Variants in CCDC157 observed in about 807,000 individuals in gnomAD.
CCDC157 encodes coiled-coil domain containing 157.
Under a neutral mutation model 70.9 loss-of-function variants are expected in CCDC157, and 60 were observed. The observed-to-expected ratio is 0.85, with a 90% CI of 0.69 to 1.05. CCDC157 has a LOEUF of 1.05. CCDC157 is among the 50% of genes least tolerant of loss of function. The probability of loss-of-function intolerance (pLI) is 0.00; values close to 1 mark genes in which losing one functional copy is unlikely to be tolerated. For synonymous variants in CCDC157, 373 were observed against 422.4 expected (o/e 0.88, Z 1.43); for missense variants, 943 against 984.2 (o/e 0.96, Z 0.56).
chr22:30,357,922 C>A (rs749247059), intron 1 of CCDC157, among the ~76,000 whole-genome samples: 4 of 152,154 alleles, frequency 2.6e-5, no homozygotes, highest in Non-Finnish European at 5.9e-5. Flanking sequence ...CCTTGGCCTC[C>A]CAAAGTGCTG....
In CCDC157 at chr22:30,377,177, C is replaced by G. The variant is rs1858221037; in HGVS notation, c.*432C>G. ...GGCCGGTGAGGATGTCTGAAGCAGG[C>G]AGAGGGCAGCAACGCCTTCAGCCTC... is the stretch of plus-strand genomic sequence containing the variant. On this transcript the variant is annotated 3_prime_UTR_variant, in exon 12 of 12. Coordinates refer to ENST00000338306, the MANE Select transcript of CCDC157 (RefSeq NM_001017437.5). 1 of 202,134 alleles carries G rather than the reference C, an allele frequency of 4.9e-6. No individual in the cohort carries two copies. The highest frequency in any genetic ancestry group is 2.3e-5 in the African/African-American group (1 of 44,104). 12.5% of individuals were successfully genotyped at this position (202,134 alleles called of 1,614,324 possible). A position where few individuals can be genotyped will look rare whatever the true frequency, so the allele number is the denominator to read the frequency against.
intron 6 of CCDC157, 21 bp from the exon 7 acceptor site, chr22:30,372,054 C>T (rs1322848637): frequency 6.7e-7 from 1 of 1,483,520 alleles, no homozygotes; most frequent in East Asian, 2.5e-5. Flanking sequence ...TACCCCATCC[C>T]ATGTCCACTT....
intron 2 of CCDC157, among the ~76,000 whole-genome samples, chr22:30,363,157 A>C (rs1932470108): frequency 6.6e-6 from 1 of 152,218 alleles, no homozygotes; most frequent in South Asian, 2.1e-4. Context: ...GCCCTGCTGG[A>C]GGGTGATAAG....
chr22:30,363,530 G>T (rs905239423), intron 2 of CCDC157, among the ~76,000 whole-genome samples: 1 of 152,034 alleles, frequency 6.6e-6, no homozygotes, highest in African/African-American at 2.4e-5. Context: ...GGGCCTCAGT[G>T]ACTTGCCTGA....
At chr22:30,359,834 A>G (rs956190724) in intron 1 of CCDC157, among the ~76,000 whole-genome samples, 2 of 152,200 alleles carry the variant, frequency 1.3e-5, no homozygotes, top group African/African-American at 2.4e-5. Flanking sequence ...AAAAAGTAAT[A>G]TATTTTCCTC....
rs143384771 is a variant in CCDC157 at position 30,370,630 on chromosome 22, G to A, written c.725G>A (p.Cys242Tyr). The change falls in exon 5 of 12, where the codon TGT (cysteine) becomes TAT (tyrosine). Residue 242 changes from cysteine to tyrosine, a missense_variant. Transcript: ENST00000338306. ...GTGGGCAAGGTGGTCATCAGCCTGT[G>A]TCAGAGCCAGAACCTGCCCTCGTCC... ...QKVGKVVISLCQSQNLPSSLG... is the reference protein window; with the variant it reads ...QKVGKVVISLYQSQNLPSSLG... The A allele has an allele frequency of 1.2e-6, 2 of 1,614,096 alleles. No homozygotes were observed. The highest frequency in any genetic ancestry group is 2.7e-5 in the African/African-American group (2 of 75,074).
rs1358504628 is a variant in CCDC157 at position 30,373,713 on chromosome 22, G to A, written c.1452G>A (p.Glu484=). The A allele has an allele frequency of 1.3e-6, 2 of 1,553,446 alleles. No individual in the cohort carries two copies. Among genetic ancestry groups the A allele is most frequent in the Non-Finnish European group, 1.7e-6 (2 of 1,148,946 alleles). ...EAEAQRARVE[E]QLQSEREQGQ... The stretch of plus-strand genomic sequence containing the variant: ...AGGCCCAGCGGGCCCGCGTGGAGGA[G>A]CAGCTGCAGAGCGAGCGGGAGCAGG... Residue 484 remains glutamate (E), a synonymous_variant, in exon 8 of 12, where the codon GAG becomes GAA. Coordinates refer to ENST00000338306, the MANE Select transcript of CCDC157 (RefSeq NM_001017437.5).
rs768202447 is a variant in CCDC157 at position 30,371,724 on chromosome 22, G to T, written c.1120G>T (p.Val374Leu). Reference sequence around the variant, plus strand: ...ACAGCAGCGGGAGTCCACACAGGCTGTGGGTAAGGAGCCCCATCATAGGCC... The same window carrying T: ...ACAGCAGCGGGAGTCCACACAGGCTTTGGGTAAGGAGCCCCATCATAGGCC... ...LKQQRESTQA[V>L]EAKAQQLQEE... The change falls in exon 6 of 12, where the codon GTG becomes TTG. Residue 374 changes from valine (V) to leucine (L), a missense_variant. Coordinates refer to ENST00000338306, the MANE Select transcript of CCDC157 (RefSeq NM_001017437.5). The T allele has an allele frequency of 2.5e-6, 4 of 1,613,742 alleles. No homozygotes were observed. The highest frequency in any genetic ancestry group is 3.4e-6 in the Non-Finnish European group (4 of 1,179,682).
At chr22:30,367,290 C>T (rs972848943) in intron 3 of CCDC157, among the ~76,000 whole-genome samples, 13 of 150,570 alleles carry the variant, frequency 8.6e-5, no homozygotes, top group African/African-American at 3.2e-4. Context: ...TCTTGGAGTG[C>T]AGTGGTGTGA....
chr22:30,376,627 C>T lies in CCDC157; in HGVS notation c.2141C>T (p.Thr714Ile), dbSNP rs751751778. The T allele has an allele frequency of 2.5e-6, 4 of 1,613,700 alleles. No homozygotes were observed. The African/African-American group carries it at 5.3e-5, about 22-fold the overall frequency. Residue 714 changes from threonine to isoleucine, a missense_variant, in exon 12 of 12, where the codon ACC becomes ATC. Thr to Ile is a moderately conservative substitution (Grantham distance 89). Coordinates refer to ENST00000338306, the MANE Select transcript of CCDC157 (RefSeq NM_001017437.5). The stretch of plus-strand genomic sequence containing the variant: ...AGCAAGTCCTTGCTGGAGGGTGTGA[C>T]CCACTTGGACACCTGCACCCAGAAC... ...QPSKSLLEGVTHLDTCTQNPI... is the reference protein window; with the variant it reads ...QPSKSLLEGVIHLDTCTQNPI...
At position 30,376,971 on chromosome 22, in the gene CCDC157, T is replaced by C. The variant is rs34995457; in HGVS notation, c.*226T>C. ...GGGCCCTCAGTAAAAGGGGCCTTCC[T>C]GCTTCCCTCCCGACAGAGGCTGTGG... On this transcript the variant is annotated 3_prime_UTR_variant, in exon 12 of 12. Coordinates refer to ENST00000338306, the MANE Select transcript of CCDC157 (RefSeq NM_001017437.5). 123,399 of 589,584 alleles carry C rather than the reference T, an allele frequency of 0.21. 14,054 individuals carry two copies. Among genetic ancestry groups the C allele is most frequent in the Middle Eastern group, 0.31 (678 of 2,208 alleles). 36.5% of individuals were successfully genotyped at this position (589,584 alleles called of 1,614,324 possible).
In CCDC157 at chr22:30,369,603, G is replaced by C; in HGVS notation, c.420G>C (p.Gln140His). 20 of 1,550,246 alleles carry C rather than the reference G, an allele frequency of 1.3e-5. No individual in the cohort carries two copies. The highest frequency in any genetic ancestry group is 1.6e-5 in the Non-Finnish European group (18 of 1,151,034). Reference sequence around the variant, plus strand: ...CGCTCCACCAGCAGCCACTCCCCCAGGTGGGTCCCAGCCTCTGTCTCAGGT... The same window carrying C: ...CGCTCCACCAGCAGCCACTCCCCCACGTGGGTCCCAGCCTCTGTCTCAGGT... ...LGTLHQQPLP[Q>H]KGANQRETPT... Residue 140 changes from glutamine (Q) to histidine (H), a missense_variant and splice_region_variant, in exon 4 of 12, where the codon CAG becomes CAC. Physicochemically the swap from Gln to His is conservative, Grantham distance 24. Transcript: ENST00000338306.
chr22:30,371,047 G>C (rs777096023), intron 5 of CCDC157, 97 bp downstream of exon 5: 8 of 1,429,478 alleles, frequency 5.6e-6, no homozygotes, highest in Non-Finnish European at 7.5e-6. Context: ...CAAGTGGTTT[G>C]TGTGGAAGAA....
Position 30,371,634 on chromosome 22 carries a change from CTCTT to C in CCDC157, c.1046-15_1046-12del. 1.3e-5 allele frequency: 21 copies of C among 1,611,422 alleles called. No individual in the cohort carries two copies. Among genetic ancestry groups the C allele is most frequent in the Non-Finnish European group, 1.8e-5 (21 of 1,177,530 alleles). ...CCATGGGACCCTCTGAAGGGCCTCT[CTCTT>C]GGCTGCCATAGAAACAAGTGACCTA... On this transcript the variant is annotated splice_polypyrimidine_tract_variant and intron_variant, in intron 5 of 11. Coordinates refer to ENST00000338306, the MANE Select transcript of CCDC157 (RefSeq NM_001017437.5).
intron 9 of CCDC157, chr22:30,374,826 C>T (rs777274342): frequency 1.1e-5 from 5 of 441,692 alleles, no homozygotes; most frequent in East Asian, 7.0e-5. Context: ...AGCAGCCTGG[C>T]GGAATTCCTG....
chr22:30,375,509 T>C lies in CCDC157; in HGVS notation c.1703T>C (p.Ile568Thr), dbSNP rs1226277848. The C allele has an allele frequency of 1.2e-6, 2 of 1,614,038 alleles. No individual in the cohort carries two copies. The highest frequency in any genetic ancestry group is 1.1e-5 in the South Asian group (1 of 91,084). ...AGATCCAGCAGCGTGGAATCCCAGA[T>C]AACATGTCCCACAGACTCTGGCAAC... ...GGRSSSVESQ[I>T]TCPTDSGNVT... The change falls in exon 10 of 12, where the codon ATA (isoleucine) becomes ACA (threonine). Residue 568 changes from isoleucine to threonine, a missense_variant. Coordinates refer to ENST00000338306, the MANE Select transcript of CCDC157 (RefSeq NM_001017437.5).
At chr22:30,358,255 T>C (rs977286525) in intron 1 of CCDC157, among the ~76,000 whole-genome samples, 3 of 152,208 alleles carry the variant, frequency 2.0e-5, no homozygotes, top group African/African-American at 7.2e-5. Context: ...GTTATTAATG[T>C]AGAATAATGA....
intron 4 of CCDC157, chr22:30,369,841 T>C (rs1211637910): frequency 4.3e-6 from 2 of 464,658 alleles, no homozygotes; most frequent in Middle Eastern, 5.5e-4. Context: ...TTTGGAAAAA[T>C]CTTGCCTACT....
Position 30,373,563 on chromosome 22 carries a change from C to G in CCDC157, c.1336-34C>G, listed in dbSNP as rs535854131. 3 of 1,550,514 alleles carry G rather than the reference C, an allele frequency of 1.9e-6. No individual in the cohort carries two copies. The East Asian group carries it at 7.3e-5, about 38-fold the overall frequency. On this transcript the variant is annotated intron_variant, in intron 7 of 11. Coordinates refer to ENST00000338306, the MANE Select transcript of CCDC157 (RefSeq NM_001017437.5). ...CATGGCTGGGCCTAGCCCTGTGGGT[C>G]TCACAGCCTCCCTGCTTGTCCGTTC...
Sources: allele counts gnomAD v4.1 joint callset (sites outside exome capture counted in the v4.1 genomes callset), GRCh38; gene constraint gnomAD v4.1.1; transcripts MANE v1.5; gene names NCBI Gene and HGNC (gene_info 2026-07-23, HGNC 2026-07-21).